Variants in CSMD1 observed in about 807,000 individuals in gnomAD.
CSMD1 encodes CUB and sushi domain-containing protein 1.
Under a neutral mutation model 417.5 loss-of-function variants are expected in CSMD1, and 213 were observed. The observed-to-expected ratio is 0.51, with a 90% CI of 0.46 to 0.57. The LOEUF (loss-of-function observed/expected upper bound fraction) is 0.57, where lower values mean the gene tolerates loss of function less well. Among genes scored for constraint, CSMD1 ranks in the 20% least tolerant of loss-of-function variants. CSMD1 has a pLI of 0.00. For missense variants in CSMD1, 6,923 were observed against 4,529.7 expected (o/e 1.53, Z -15.17); for synonymous variants, 2,862 against 1,736.8 (o/e 1.65, Z -16.11).
At chr8:4,236,110 G>C (rs563871773) in intron 3 of CSMD1, among the ~76,000 whole-genome samples, 22 of 147,106 alleles carry the variant, frequency 1.5e-4, no homozygotes, top group Admixed American at 6.9e-5. Flanking sequence ...GCCCAGCACA[G>C]GGCTTCAAAC....
intron 3 of CSMD1, among the ~76,000 whole-genome samples, chr8:4,035,289 G>A (rs753634842): frequency 1.3e-5 from 2 of 152,014 alleles, no homozygotes; most frequent in Non-Finnish European, 2.9e-5. Flanking sequence ...CATACAATTA[G>A]GTTCACTGCA....
chr8:4,418,277 A>G (rs1446274968), intron 3 of CSMD1, among the ~76,000 whole-genome samples: 1 of 152,080 alleles, frequency 6.6e-6, no homozygotes, highest in African/African-American at 2.4e-5. Flanking sequence ...GCCCTATTCC[A>G]TTTTCTAGAA....
At chr8:4,740,706 A>G (rs1810548042) in intron 1 of CSMD1, among the ~76,000 whole-genome samples, 1 of 152,166 alleles carries the variant, frequency 6.6e-6, no homozygotes, top group East Asian at 1.9e-4. Flanking sequence ...GGTTGAAGTG[A>G]GCCATCTCTG....
intron 1 of CSMD1, among the ~76,000 whole-genome samples, chr8:4,898,552 T>C (rs904250316): frequency 1.8e-4 from 27 of 152,186 alleles, no homozygotes; most frequent in African/African-American, 6.5e-4. Flanking sequence ...TTCTTTTAAA[T>C]CCAAGGGTGA....
chr8:4,668,379 C>A (rs1347736411), intron 1 of CSMD1, among the ~76,000 whole-genome samples: 1 of 150,840 alleles, frequency 6.6e-6, no homozygotes, highest in Non-Finnish European at 1.5e-5. Context: ...CTAGCCACTG[C>A]CACACACAGC....
chr8:4,257,475 G>A (rs931973190), intron 3 of CSMD1, among the ~76,000 whole-genome samples: 1 of 152,018 alleles, frequency 6.6e-6, no homozygotes, highest in East Asian at 1.9e-4. Flanking sequence ...TTTTAAGAAT[G>A]CATATATTTC....
chr8:4,239,076 T>C (rs116741899), intron 3 of CSMD1, among the ~76,000 whole-genome samples: 4 of 152,284 alleles, frequency 2.6e-5, no homozygotes, highest in African/African-American at 9.6e-5. Context: ...CTTCAAATGT[T>C]TAAACTTATG....
chr8:3,112,740 G>T (rs554888848), intron 42 of CSMD1, among the ~76,000 whole-genome samples: 3 of 152,246 alleles, frequency 2.0e-5, no homozygotes, highest in African/African-American at 7.2e-5. Flanking sequence ...AAACACTACA[G>T]AAGTTTAAAA....
At chr8:4,605,948 T>C (rs758750670) in intron 2 of CSMD1, among the ~76,000 whole-genome samples, 101 of 152,078 alleles carry the variant, frequency 6.6e-4, no homozygotes, top group African/African-American at 1.8e-3. Context: ...CGAGGATGTG[T>C]CTAAGCTAGA....
intron 54 of CSMD1, among the ~76,000 whole-genome samples, chr8:2,991,273 T>C (rs1000008501): frequency 1.3e-5 from 2 of 152,218 alleles, no homozygotes; most frequent in Admixed American, 6.5e-5. Flanking sequence ...CTGATAAATT[T>C]AGAGCTTTTA....
At chr8:3,074,968 G>A (rs984051186) in intron 49 of CSMD1, among the ~76,000 whole-genome samples, 2 of 152,120 alleles carry the variant, frequency 1.3e-5, no homozygotes, top group Admixed American at 6.5e-5. Context: ...TGATGGGGCC[G>A]GATTTCTCAT....
intron 5 of CSMD1, among the ~76,000 whole-genome samples, chr8:3,816,422 T>C (rs1406988364): frequency 6.6e-6 from 1 of 152,192 alleles, no homozygotes; most frequent in Non-Finnish European, 1.5e-5. Context: ...ATAACTTTTA[T>C]TATTGTATAT....
chr8:3,577,523 G>A (rs1219505836), intron 9 of CSMD1, among the ~76,000 whole-genome samples: 2 of 152,066 alleles, frequency 1.3e-5, no homozygotes, highest in Non-Finnish European at 1.5e-5. Flanking sequence ...TGAATATTGG[G>A]AATATTCAGA....
At chr8:3,346,446 A>G (rs1808000976) in intron 22 of CSMD1, among the ~76,000 whole-genome samples, 1 of 152,212 alleles carries the variant, frequency 6.6e-6, no homozygotes, top group Admixed American at 6.5e-5. Flanking sequence ...TTCTTTTTAG[A>G]TTAGTAAGAA....
In CSMD1 at chr8:4,637,517, T is replaced by C. The variant is rs199582713; in HGVS notation, c.127A>G (p.Ile43Val). Residue 43 changes from isoleucine (I) to valine (V), a missense_variant, in exon 2 of 70, where the codon ATT (isoleucine) becomes GTT (valine). Ile to Val is a conservative substitution (Grantham distance 29). Transcript: ENST00000635120. ...GGLVQGPNGT[I>V]ESPGFPHGYP... ...CCGTGAGGAAACCCTGGGCTCTCAA[T>C]AGTGCCATTGGGACCCTGGACTAAG... The C allele has an allele frequency of 2.9e-4, 472 of 1,613,868 alleles. 1 individual carries two copies. Among genetic ancestry groups the C allele is most frequent in the Middle Eastern group, 1.2e-3 (7 of 6,062 alleles).
In CSMD1 at chr8:4,868,375, C is replaced by T. The variant is rs140105387; in HGVS notation, c.85+125957G>A. 3.0e-3 allele frequency among the ~76,000 whole-genome samples: 456 copies of T among 152,060 alleles called. 4 individuals are homozygous for T. Among genetic ancestry groups the T allele is most frequent in the African/African-American group, 0.01 (430 of 41,388 alleles). ...CAGCCTCCCCAGTAAACTGAGATGA[C>T]AGGTGCACACCACTACACCCGACTA... is the stretch of plus-strand genomic sequence containing the variant. On this transcript the variant is annotated intron_variant, in intron 1 of 69. Transcript: ENST00000635120.
chr8:3,146,774 C>G (rs756293485), intron 40 of CSMD1, among the ~76,000 whole-genome samples: 11 of 152,176 alleles, frequency 7.2e-5, no homozygotes, highest in Non-Finnish European at 1.2e-4. Context: ...ATGATTTCCA[C>G]ATGATGCCAA....
At chr8:3,564,744 C>T (rs1236957226) in intron 10 of CSMD1, among the ~76,000 whole-genome samples, 3 of 130,944 alleles carry the variant, frequency 2.3e-5, no homozygotes, top group Admixed American at 2.2e-4. Flanking sequence ...CAACCAAACA[C>T]ACAAAAAACC....
At chr8:4,721,152 A>G (rs1224942291) in intron 1 of CSMD1, among the ~76,000 whole-genome samples, 1 of 152,238 alleles carries the variant, frequency 6.6e-6, no homozygotes, top group Non-Finnish European at 1.5e-5. Flanking sequence ...TTCTTCCAGC[A>G]AAAGACTAAT....
Sources: allele counts gnomAD v4.1 joint callset (sites outside exome capture counted in the v4.1 genomes callset), GRCh38; gene constraint gnomAD v4.1.1; transcripts MANE v1.5; gene names NCBI Gene and HGNC (gene_info 2026-07-23, HGNC 2026-07-21).